The following RANBP2 variants were observed in gnomAD, a reference collection of about 807,000 sequenced individuals.
The protein encoded by RANBP2 is E3 SUMO-protein ligase RanBP2.
In RANBP2, 57 loss-of-function variants were observed where a neutral mutation model predicts 303.6. The observed-to-expected ratio is 0.19, with a 90% CI of 0.15 to 0.23. The LOEUF is 0.23. Ranked by LOEUF, RANBP2 falls within the 10% of genes least tolerant of loss-of-function variation. The pLI is 1.00. For synonymous variants in RANBP2, 1,167 were observed against 1,301.5 expected, an observed-to-expected ratio of 0.90 and a Z score of 2.23; for missense variants, 3,138 against 3,780.8, an observed-to-expected ratio of 0.83 and a Z score of 4.46.
the RANBP2 span, among the ~76,000 whole-genome samples, chr2:109,367,228 A>G: frequency 0.02 from 2,979 of 151,316 alleles, 35 homozygotes; most frequent in South Asian, 0.028. Context: ...CCTACCAAAG[A>G]ACTGGGATTA....
chr2:109,228,552 C>T, the RANBP2 span, among the ~76,000 whole-genome samples: 1 of 152,186 alleles, frequency 6.6e-6, no homozygotes, highest in Admixed American at 6.5e-5. Context: ...AGTATGGACC[C>T]TGCAGGTTAA....
the RANBP2 span, among the ~76,000 whole-genome samples, chr2:109,606,292 G>GT: frequency 3.3e-5 from 5 of 151,612 alleles, no homozygotes; most frequent in South Asian, 1.0e-3. Context: ...GCACATGCCT[G>GT]TAATCCCAGC....
chr2:109,774,538 TAA>T, the RANBP2 span, among the ~76,000 whole-genome samples: 7 of 95,228 alleles, frequency 7.4e-5, 2 homozygotes, highest in African/African-American at 1.1e-4. Context: ...ATATTATATA[TAA>T]AATATATATA....
At chr2:108,985,233 C>G in the RANBP2 span, among the ~76,000 whole-genome samples, 2 of 152,206 alleles carry the variant, frequency 1.3e-5, no homozygotes, top group Non-Finnish European at 2.9e-5. Context: ...TTAAGCCCAC[C>G]ACTAAGCTTG....
chr2:109,564,066 T>C, the RANBP2 span: 5 of 289,552 alleles, frequency 1.7e-5, no homozygotes, highest in Non-Finnish European at 3.2e-5. Flanking sequence ...AATCAAATAA[T>C]GAGGGTATTT....
At chr2:109,665,680 C>G in the RANBP2 span, 1 of 164,314 alleles carries the variant, frequency 6.1e-6, no homozygotes, top group East Asian at 1.5e-4. Context: ...AAAATGTATG[C>G]TACCTGCGGG....
At chr2:108,864,058 T>A in the RANBP2 span, among the ~76,000 whole-genome samples, 57 of 152,228 alleles carry the variant, frequency 3.7e-4, no homozygotes, top group African/African-American at 1.4e-3. Flanking sequence ...TAGACAATAA[T>A]AGATGATGTG....
At chr2:108,912,914 G>A in the RANBP2 span, 1 of 702,742 alleles carries the variant, frequency 1.4e-6, no homozygotes, top group African/African-American at 1.8e-5. Flanking sequence ...TTCTTAGACT[G>A]TTTAATGAAC....
At chr2:109,013,552 G>T in the RANBP2 span, among the ~76,000 whole-genome samples, 6 of 151,926 alleles carry the variant, frequency 3.9e-5, no homozygotes, top group Non-Finnish European at 7.4e-5. Flanking sequence ...CATACACATG[G>T]TATATGTTTA....
At chr2:109,152,861 T>G in the RANBP2 span, among the ~76,000 whole-genome samples, 1 of 152,170 alleles carries the variant, frequency 6.6e-6, no homozygotes. Context: ...TTTCAAACTT[T>G]AAGAGTAAAT....
the RANBP2 span, among the ~76,000 whole-genome samples, chr2:109,469,694 C>T: frequency 1.3e-5 from 2 of 152,134 alleles, no homozygotes; most frequent in South Asian, 2.1e-4. Context: ...ACCCAACAAG[C>T]AAATAGTAAT....
the RANBP2 span, among the ~76,000 whole-genome samples, chr2:108,954,494 C>A: frequency 1.3e-5 from 2 of 152,088 alleles, no homozygotes; most frequent in African/African-American, 4.8e-5. Context: ...GAAAAGGCTC[C>A]CCACCCACTC....
the RANBP2 span, chr2:109,732,898 T>C: frequency 2.2e-6 from 2 of 899,846 alleles, no homozygotes; most frequent in East Asian, 2.6e-5. Context: ...GAGAACTAGA[T>C]GGAAGAACAC....
the RANBP2 span, among the ~76,000 whole-genome samples, chr2:109,175,171 A>G: frequency 6.6e-6 from 1 of 152,142 alleles, no homozygotes; most frequent in African/African-American, 2.4e-5. Context: ...CAGACTAGAA[A>G]TTGGAGTCCA....
the RANBP2 span, among the ~76,000 whole-genome samples, chr2:109,249,647 C>CTCTTTCTTTCTTTCTTTCTTTCTT: frequency 4.4e-4 from 57 of 130,858 alleles, no homozygotes; most frequent in African/African-American, 1.4e-3. Context: ...CTCTGTTTCT[C>CTCTTTCTTTCTTTCTTTCTTTCTT]TCTTTCTTTC....
chr2:109,500,266 G>T, the RANBP2 span, among the ~76,000 whole-genome samples: 1 of 152,182 alleles, frequency 6.6e-6, no homozygotes, highest in Non-Finnish European at 1.5e-5. Flanking sequence ...GCTCAGAGGA[G>T]CCAGGCTGGA....
chr2:109,464,085 C>A, the RANBP2 span, among the ~76,000 whole-genome samples: 1 of 152,180 alleles, frequency 6.6e-6, no homozygotes, highest in African/African-American at 2.4e-5. Flanking sequence ...CCCCACACTG[C>A]CAGCAGGCCG....
chr2:108,887,586 C>G, the RANBP2 span, among the ~76,000 whole-genome samples: 1 of 152,016 alleles, frequency 6.6e-6, no homozygotes, highest in Admixed American at 6.6e-5. Flanking sequence ...TAGAGATTTT[C>G]CACTTCCTTG....
chr2:108,947,417 A>C, the RANBP2 span, among the ~76,000 whole-genome samples: 3 of 152,182 alleles, frequency 2.0e-5, no homozygotes, highest in African/African-American at 7.2e-5. Context: ...TCCACTAGGC[A>C]GTGCCCCAGT....
Sources: allele counts gnomAD v4.1 joint callset (sites outside exome capture counted in the v4.1 genomes callset), GRCh38; gene constraint gnomAD v4.1.1; transcripts MANE v1.5; gene names NCBI Gene and HGNC (gene_info 2026-07-23, HGNC 2026-07-21).